The following MTUS2 variants were observed in gnomAD, a reference collection of about 807,000 sequenced individuals.
The protein encoded by MTUS2 is microtubule-associated tumor suppressor candidate 2.
A neutral mutation model predicts 114.1 loss-of-function variants in MTUS2; 40 were observed. The ratio of observed to expected loss-of-function variants is 0.35; its 90% CI spans 0.27 to 0.46. The LOEUF (loss-of-function observed/expected upper bound fraction) is 0.46, where lower values mean the gene tolerates loss of function less well. Ranked by LOEUF, MTUS2 falls within the 20% of genes least tolerant of loss-of-function variation. The probability of loss-of-function intolerance (pLI) is 1.00; values close to 1 mark genes in which losing one functional copy is unlikely to be tolerated. For synonymous variants in MTUS2, 688 were observed against 672.0 expected (o/e 1.02, Z -0.37); for missense variants, 1,679 against 1,705.4 (o/e 0.98, Z 0.27).
In MTUS2 at chr13:29,480,328, C is replaced by A; in HGVS notation, c.3363C>A (p.Asp1121Glu). The part of the protein sequence containing the change: ...EMARLQEEHG[D>E]QLLSIRCQHQ... ...CGCGCCTGCAGGAGGAGCACGGTGA[C>A]CAGCTGCTGAGCATCCGGTGTCAAC... Residue 1121 changes from aspartate to glutamate, a missense_variant, in exon 10 of 16, where the codon GAC (aspartate) becomes GAA (glutamate). Around this residue, in one of 3 missense-constraint regions of MTUS2, gnomAD observed 822 missense variants for 899.7 expected, o/e 0.91. Transcript: ENST00000612955. The surrounding 1 kb of genome is among the most constrained non-coding windows in gnomAD (Gnocchi z 4.4). The A allele has an allele frequency of 6.5e-7, 1 of 1,550,248 alleles. No individual in the cohort carries two copies. Among genetic ancestry groups the A allele is most frequent in the Non-Finnish European group, 8.7e-7 (1 of 1,146,566 alleles).
chr13:29,216,398 G>C (rs1022232749), intron 5 of MTUS2, among the ~76,000 whole-genome samples: 2 of 152,174 alleles, frequency 1.3e-5, no homozygotes, highest in Non-Finnish European at 2.9e-5. Flanking sequence ...CTGTCTTGCT[G>C]GGGTTCCAGG....
chr13:29,361,561 T>G (rs577946192), intron 8 of MTUS2, among the ~76,000 whole-genome samples: 23 of 152,298 alleles, frequency 1.5e-4, no homozygotes, highest in African/African-American at 5.5e-4. Context: ...TTTGAGAATT[T>G]GCTAGTAATA....
At chr13:29,379,890 G>A (rs6490402) in intron 8 of MTUS2, among the ~76,000 whole-genome samples, 147,098 of 152,334 alleles carry the variant, frequency 0.97, 71,238 homozygotes, top group East Asian at 1. Context: ...AAATAAAATT[G>A]TACTTTTGAA....
At chr13:28,970,893 C>T (rs964594749) in intron 2 of MTUS2, among the ~76,000 whole-genome samples, 6 of 152,184 alleles carry the variant, frequency 3.9e-5, no homozygotes, top group Non-Finnish European at 8.8e-5. Flanking sequence ...ATAGGGTCCA[C>T]CGTGCTCATG....
rs367810786 is a variant in MTUS2 at position 29,497,252 on chromosome 13, G to A, written c.3594G>A (p.Thr1198=). 25 of 1,612,010 alleles carry A rather than the reference G, an allele frequency of 1.6e-5. No individual in the cohort carries two copies. In the Middle Eastern group the frequency reaches 6.6e-4, roughly 42 times the overall value. Residue 1198 remains threonine, a synonymous_variant, in exon 13 of 16, where the codon ACG becomes ACA. Coordinates refer to ENST00000612955, the MANE Select transcript of MTUS2 (RefSeq NM_001033602.4). ...LRLSLQDQVD[T]LTFQSQSLRD... Reference sequence around the variant, plus strand: ...ATTACTTGCAGGACCAGGTGGACACGCTGACCTTCCAGAGCCAGTCTCTGC... The same window carrying A: ...ATTACTTGCAGGACCAGGTGGACACACTGACCTTCCAGAGCCAGTCTCTGC...
intron 6 of MTUS2, among the ~76,000 whole-genome samples, chr13:29,303,124 A>T (rs562972754): frequency 3.2e-4 from 48 of 152,366 alleles, no homozygotes; most frequent in Non-Finnish European, 5.9e-5. Flanking sequence ...ATCAACAAAA[A>T]AGACCCCACA....
chr13:28,856,165 C>A (rs1876614840), intron 2 of MTUS2, among the ~76,000 whole-genome samples: 1 of 152,156 alleles, frequency 6.6e-6, no homozygotes, highest in Admixed American at 6.5e-5. Context: ...GGAAAAAGTA[C>A]AAATAGAATA....
In MTUS2 at chr13:29,173,940, A is replaced by G. The variant is rs1309914905; in HGVS notation, c.2644+72970A>G. Reference sequence around the variant, plus strand: ...TAAAATCTCTCCTCCCTATATGAATATTTAGATGTTTAGGTGGCATTTTCC... The same window carrying G: ...TAAAATCTCTCCTCCCTATATGAATGTTTAGATGTTTAGGTGGCATTTTCC... On this transcript the variant is annotated intron_variant, in intron 5 of 15. Coordinates refer to ENST00000612955, the MANE Select transcript of MTUS2 (RefSeq NM_001033602.4). Among the ~76,000 whole-genome samples, 3 of 152,124 alleles carry G rather than the reference A, an allele frequency of 2.0e-5. No homozygotes were observed. In the East Asian group the frequency reaches 5.8e-4, roughly 29 times the overall value.
Position 29,147,429 on chromosome 13 carries a change from T to G in MTUS2, c.2644+46459T>G, listed in dbSNP as rs142913215. On this transcript the variant is annotated intron_variant, in intron 5 of 15. Transcript: ENST00000612955. ...GTGCAATGCTAAAATTATGCCCATT[T>G]TAAAAAATTTTAGCTTTACTTTTAG... Among the ~76,000 whole-genome samples the G allele has an allele frequency of 2.8e-3, 419 of 152,318 alleles. 2 individuals carry two copies. Among genetic ancestry groups the G allele is most frequent in the African/African-American group, 9.6e-3 (399 of 41,580 alleles).
At chr13:29,098,467 CAT>C (rs926906372) in intron 4 of MTUS2, among the ~76,000 whole-genome samples, 8 of 96,886 alleles carry the variant, frequency 8.3e-5, no homozygotes, top group African/African-American at 2.8e-4. Flanking sequence ...CACACACACA[CAT>C]GTGCGTGCAT....
intron 5 of MTUS2, among the ~76,000 whole-genome samples, chr13:29,140,243 A>G (rs972255215): frequency 1.3e-5 from 2 of 152,242 alleles, no homozygotes; most frequent in African/African-American, 4.8e-5. Context: ...GTTTAAATTT[A>G]GAGTCTTCAG....
At chr13:28,849,839 A>G (rs1876133537) in intron 2 of MTUS2, among the ~76,000 whole-genome samples, 1 of 152,122 alleles carries the variant, frequency 6.6e-6, no homozygotes, top group African/African-American at 2.4e-5. Flanking sequence ...GAGTTTTCCA[A>G]GACTCAGCTC....
At chr13:29,095,717 T>C (rs1338868985) in intron 4 of MTUS2, among the ~76,000 whole-genome samples, 4 of 15,914 alleles carry the variant, frequency 2.5e-4, no homozygotes, top group African/African-American at 5.7e-4. Flanking sequence ...TATCTTCAAG[T>C]TCACTTTTTT....
intron 4 of MTUS2, among the ~76,000 whole-genome samples, chr13:29,042,701 G>T (rs1446662134): frequency 6.6e-6 from 1 of 152,048 alleles, no homozygotes; most frequent in Non-Finnish European, 1.5e-5. Flanking sequence ...TAGGAATGTT[G>T]TATATTTCCA....
intron 4 of MTUS2, among the ~76,000 whole-genome samples, chr13:29,054,065 C>T (rs181577310): frequency 6.6e-6 from 1 of 152,332 alleles, no homozygotes; most frequent in East Asian, 1.9e-4. Flanking sequence ...TTCACAGGCT[C>T]ACCAGTGTCT....
At chr13:28,827,473 T>C (rs1276622320) in intron 1 of MTUS2, among the ~76,000 whole-genome samples, 1 of 152,210 alleles carries the variant, frequency 6.6e-6, no homozygotes, top group Non-Finnish European at 1.5e-5. Flanking sequence ...AGGATTATAA[T>C]TTTGATAATG....
chr13:29,159,412 A>G (rs1893002761), intron 5 of MTUS2, among the ~76,000 whole-genome samples: 1 of 152,232 alleles, frequency 6.6e-6, no homozygotes, highest in Non-Finnish European at 1.5e-5. Context: ...AGGAAAAAGA[A>G]TAGGAGGAAA....
chr13:29,108,239 A>C (rs1328615818), intron 5 of MTUS2, among the ~76,000 whole-genome samples: 1 of 152,216 alleles, frequency 6.6e-6, no homozygotes, highest in Non-Finnish European at 1.5e-5. Context: ...GTGGCTTGTG[A>C]GGTCAGACTT....
intron 5 of MTUS2, among the ~76,000 whole-genome samples, chr13:29,119,092 ATAT>A (rs1346946104): frequency 6.6e-6 from 1 of 152,222 alleles, no homozygotes; most frequent in Admixed American, 6.5e-5. Flanking sequence ...TCTATGTATA[ATAT>A]TATTGATAGA....
Sources: allele counts gnomAD v4.1 joint callset (sites outside exome capture counted in the v4.1 genomes callset), GRCh38; gene constraint gnomAD v4.1.1; regional missense constraint gnomAD v4.1.1; non-coding constraint Gnocchi (gnomAD v3.1); transcripts MANE v1.5; gene names NCBI Gene and HGNC (gene_info 2026-07-23, HGNC 2026-07-21).